The following OSBPL10 variants were observed in gnomAD, a reference collection of about 807,000 sequenced individuals.
The protein encoded by OSBPL10 is oxysterol binding protein like 10.
In OSBPL10, 49 loss-of-function variants were observed where a neutral mutation model predicts 81.7. The ratio of observed to expected loss-of-function variants is 0.60; its 90% CI spans 0.48 to 0.76. The LOEUF (loss-of-function observed/expected upper bound fraction) is 0.76. Among genes scored for constraint, OSBPL10 ranks in the 30% least tolerant of loss-of-function variants. The probability of loss-of-function intolerance (pLI) is 0.00; values close to 1 mark genes in which losing one functional copy is unlikely to be tolerated. For synonymous variants in OSBPL10, 419 were observed against 383.6 expected, an observed-to-expected ratio of 1.09 and a Z score of -1.08; for missense variants, 923 against 987.8, an observed-to-expected ratio of 0.93 and a Z score of 0.88.
chr3:32,001,081 G>A (rs1482237989), intron 2 of OSBPL10, among the ~76,000 whole-genome samples: 1 of 152,198 alleles, frequency 6.6e-6, no homozygotes, highest in Non-Finnish European at 1.5e-5. Context: ...AGAGATGAGT[G>A]AAGGCATCTA....
chr3:31,722,023 T>C (rs780949994), intron 6 of OSBPL10, among the ~76,000 whole-genome samples: 1 of 152,122 alleles, frequency 6.6e-6, no homozygotes, highest in Non-Finnish European at 1.5e-5. Context: ...CCATCCCCCA[T>C]ATCATGAAAC....
chr3:31,941,259 A>T (rs1347334176), intron 1 of OSBPL10, among the ~76,000 whole-genome samples: 1 of 152,208 alleles, frequency 6.6e-6, no homozygotes, highest in South Asian at 2.1e-4. Flanking sequence ...CGGTGCAAAC[A>T]AAAAAGAAAA....
intron 1 of OSBPL10, among the ~76,000 whole-genome samples, chr3:32,061,521 C>A (rs1699753826): frequency 1.1e-5 from 1 of 93,706 alleles, no homozygotes; most frequent in African/African-American, 2.7e-5. Context: ...TTCTCCATAC[C>A]AAAGGAGGGT....
chr3:31,892,949 A>T (rs904645177), intron 1 of OSBPL10, among the ~76,000 whole-genome samples: 1 of 152,172 alleles, frequency 6.6e-6, no homozygotes, highest in African/African-American at 2.4e-5. Flanking sequence ...GTGGTTGAGC[A>T]CAACTGCAGC....
intron 8 of OSBPL10, among the ~76,000 whole-genome samples, chr3:31,683,202 G>A (rs1700698859): frequency 6.6e-6 from 1 of 152,168 alleles, no homozygotes; most frequent in Non-Finnish European, 1.5e-5. Context: ...TTTGTTTTGG[G>A]AATTTTTACG....
At chr3:31,784,066 C>T (rs1162141363) in intron 4 of OSBPL10, among the ~76,000 whole-genome samples, 2 of 150,748 alleles carry the variant, frequency 1.3e-5, no homozygotes, top group African/African-American at 4.9e-5. Flanking sequence ...TGGCTGGGTG[C>T]AGTGGCTCAC....
rs1434023542 is a variant in OSBPL10, at chr3:31,873,264, A to G, written c.537+3169T>C. 2.6e-5 allele frequency among the ~76,000 whole-genome samples: 4 copies of G among 152,212 alleles called. No individual in the cohort carries two copies. In the South Asian group the frequency reaches 8.3e-4, roughly 32 times the overall value. On this transcript the variant is annotated intron_variant, in intron 3 of 11. Transcript: ENST00000396556. Reference sequence around the variant, plus strand: ...AATATTCTACCATATTCTACGATAAAAAGGAAGAATATTTTAACCATCCAA... The same window carrying G: ...AATATTCTACCATATTCTACGATAAGAAGGAAGAATATTTTAACCATCCAA...
At chr3:31,898,684 G>A (rs1575605258) in intron 1 of OSBPL10, among the ~76,000 whole-genome samples, 1 of 151,944 alleles carries the variant, frequency 6.6e-6, no homozygotes, top group Admixed American at 6.5e-5. Flanking sequence ...TTACCACTAA[G>A]GGACCTGCAT....
chr3:31,884,188 C>T (rs1695669580), intron 1 of OSBPL10, among the ~76,000 whole-genome samples: 1 of 152,178 alleles, frequency 6.6e-6, no homozygotes, highest in Non-Finnish European at 1.5e-5. Context: ...TATAGGGACA[C>T]ATTAATGATT....
intron 4 of OSBPL10, among the ~76,000 whole-genome samples, chr3:31,785,545 AT>A (rs1420191761): frequency 6.6e-6 from 1 of 152,140 alleles, no homozygotes; most frequent in Non-Finnish European, 1.5e-5. Context: ...GCACAACGCA[AT>A]GGAAGGGGTT....
intron 1 of OSBPL10, among the ~76,000 whole-genome samples, chr3:31,880,487 T>C (rs1381206501): frequency 6.6e-6 from 1 of 152,190 alleles, no homozygotes; most frequent in African/African-American, 2.4e-5. Flanking sequence ...ACAATGAATC[T>C]TTGTAGCCAA....
intron 1 of OSBPL10, among the ~76,000 whole-genome samples, chr3:31,961,645 G>A (rs2125463767): frequency 6.6e-6 from 1 of 152,156 alleles, no homozygotes; most frequent in South Asian, 2.1e-4. Flanking sequence ...CTATTTCCTA[G>A]GCTGGAGTGC....
intron 2 of OSBPL10, among the ~76,000 whole-genome samples, chr3:32,024,289 C>T (rs1699383461): frequency 6.6e-6 from 1 of 152,086 alleles, no homozygotes; most frequent in African/African-American, 2.4e-5. Context: ...GAATGTAAAT[C>T]AATTTAGGGA....
chr3:31,778,725 C>CA (rs2125764410), intron 4 of OSBPL10, among the ~76,000 whole-genome samples: 1 of 151,836 alleles, frequency 6.6e-6, no homozygotes, highest in Non-Finnish European at 1.5e-5. Context: ...AAATTCATTG[C>CA]AAAAAAATAA....
chr3:31,787,861 G>A (rs145338519), intron 4 of OSBPL10, among the ~76,000 whole-genome samples: 55 of 152,140 alleles, frequency 3.6e-4, no homozygotes, highest in African/African-American at 1.3e-3. Flanking sequence ...CCCGACAACA[G>A]AATGAGTATT....
At chr3:32,066,459 G>A (rs11129479) in intron 1 of OSBPL10, 82,740 of 151,720 alleles carry the variant, frequency 0.55, 26,248 homozygotes, top group Non-Finnish European at 0.69. Context: ...CCATGGTCCC[G>A]TTGAATAAAG....
At chr3:31,907,619 C>CAAAAA (rs142840420) in intron 1 of OSBPL10, among the ~76,000 whole-genome samples, 1,841 of 63,850 alleles carry the variant, frequency 0.029, 133 homozygotes, top group African/African-American at 0.056. Flanking sequence ...ACCTCCATCT[C>CAAAAA]AAAAAAAAAA....
At position 32,027,611 on chromosome 3, in the gene OSBPL10, A is replaced by C. The variant is rs79924067; in HGVS notation, n.298+18880T>G. On this transcript the variant is annotated intron_variant and non_coding_transcript_variant, in intron 2 of 3. Coordinates refer to the OSBPL10 transcript ENST00000479173. Reference sequence around the variant, plus strand: ...TCAAAATCATTTTTAATTAATCAATAAAATTGAATGTGTTCAGATTTTATT... The same window carrying C: ...TCAAAATCATTTTTAATTAATCAATCAAATTGAATGTGTTCAGATTTTATT... Among the ~76,000 whole-genome samples, 432 of 152,368 alleles carry C rather than the reference A, an allele frequency of 2.8e-3. 2 individuals carry two copies. The highest frequency in any genetic ancestry group is 9.8e-3 in the African/African-American group (407 of 41,592).
In OSBPL10 at chr3:31,683,952, GGC is replaced by G. The variant is rs1559414364; in HGVS notation, c.1406_1407del (p.Gly469AlafsTer32). The G allele has an allele frequency of 6.2e-7, 1 of 1,614,206 alleles. No homozygotes were observed. Among genetic ancestry groups the G allele is most frequent in the South Asian group, 1.1e-5 (1 of 91,076 alleles). On this transcript the variant is annotated frameshift_variant, in exon 8 of 12. Coordinates refer to ENST00000396556, the MANE Select transcript of OSBPL10 (RefSeq NM_017784.5). LOFTEE classifies it high-confidence loss of function. Reference protein sequence around the residue: ...VEYYLTAFHEGRKGALAKKPY... With the variant: ...VEYYLTAFHEXRKGALAKKPY... The stretch of plus-strand genomic sequence containing the variant: ...GGCTTCTTGGCTAAAGCGCCCTTGC[GGC>G]CCTCGTGAAAGGCTGTGAGATAATA...
Sources: allele counts gnomAD v4.1 joint callset (sites outside exome capture counted in the v4.1 genomes callset), GRCh38; gene constraint gnomAD v4.1.1; transcripts MANE v1.5; gene names NCBI Gene and HGNC (gene_info 2026-07-23, HGNC 2026-07-21).